BRAF: variants seen among roughly 807,000 people sequenced by gnomAD.
The protein encoded by BRAF is B-Raf proto-oncogene, serine/threonine kinase.
BRAF carries 16 observed loss-of-function variants against 104.6 expected under a neutral mutation model. The ratio of observed to expected loss-of-function variants is 0.15; its 90% CI spans 0.10 to 0.23. The LOEUF (loss-of-function observed/expected upper bound fraction) is 0.23, where lower values mean the gene tolerates loss of function less well. Ranked by LOEUF, BRAF falls within the 10% of genes least tolerant of loss-of-function variation. The pLI is 1.00. For synonymous variants in BRAF, 310 were observed against 341.6 expected (o/e 0.91, Z 1.02); for missense variants, 541 against 937.3 (o/e 0.58, Z 5.52).
intron 7 of BRAF, among the ~76,000 whole-genome samples, chr7:140,794,829 T>C (rs1562963298): frequency 6.6e-6 from 1 of 152,218 alleles, no homozygotes; most frequent in Non-Finnish European, 1.5e-5. Flanking sequence ...GCCATTTTTT[T>C]CTAACATTGT....
At position 140,734,787 on chromosome 7, in the gene BRAF, A is replaced by G. The variant is rs769351098; in HGVS notation, c.2248-17T>C. 63 of 1,421,058 alleles carry G rather than the reference A, an allele frequency of 4.4e-5. No homozygotes were observed. The highest frequency in any genetic ancestry group is 2.1e-4 in the Middle Eastern group (1 of 4,788). 88.0% of individuals were successfully genotyped at this position (1,421,058 alleles called of 1,614,324 possible). A position where few individuals can be genotyped will look rare whatever the true frequency, so the allele number is the denominator to read the frequency against. On this transcript the variant is annotated splice_polypyrimidine_tract_variant and intron_variant, in intron 18 of 19. Transcript: ENST00000644969. Reference sequence around the variant, plus strand: ...GGCGAGAATCTACAAAAAAAAAAAGAAAAAAAAAAGAAAAAAAAAGAAAAA... The same window carrying G: ...GGCGAGAATCTACAAAAAAAAAAAGGAAAAAAAAAGAAAAAAAAAGAAAAA...
rs1012942869 is a variant in BRAF, at chr7:140,831,558, G to C, written c.504+3051C>G. Among the ~76,000 whole-genome samples, 6 of 152,230 alleles carry C rather than the reference G, an allele frequency of 3.9e-5. No individual in the cohort carries two copies. The East Asian group carries it at 1.2e-3, about 29-fold the overall frequency. On this transcript the variant is annotated intron_variant, in intron 3 of 19. Coordinates refer to ENST00000644969, the MANE Select transcript of BRAF (RefSeq NM_001374258.1). The stretch of plus-strand genomic sequence containing the variant: ...TTATTTGTTCCATATATACAGAAGA[G>C]GAACTAACAGGATCCCCTTGTTGTA...
chr7:140,843,129 A>ATG (rs1808160231), intron 2 of BRAF, among the ~76,000 whole-genome samples: 1 of 152,240 alleles, frequency 6.6e-6, no homozygotes, highest in Admixed American at 6.5e-5. Flanking sequence ...TTAGACTCTT[A>ATG]CTTCAGGAAA....
chr7:140,918,630 A>C (rs560298852), intron 1 of BRAF, among the ~76,000 whole-genome samples: 9 of 152,338 alleles, frequency 5.9e-5, no homozygotes, highest in African/African-American at 1.9e-4. Flanking sequence ...GTTGCAGCCA[A>C]TTTGGCTGTC....
intron 3 of BRAF, among the ~76,000 whole-genome samples, chr7:140,812,886 G>T (rs1472891086): frequency 6.6e-6 from 1 of 152,058 alleles, no homozygotes; most frequent in Non-Finnish European, 1.5e-5. Flanking sequence ...AACTACAAAT[G>T]GATCAAATAT....
At chr7:140,922,159 C>T (rs1818294291) in intron 1 of BRAF, among the ~76,000 whole-genome samples, 1 of 152,082 alleles carries the variant, frequency 6.6e-6, no homozygotes. Context: ...AACATTAAAA[C>T]CTGGGTAAAG....
chr7:140,791,749 C>A (rs933032466), intron 8 of BRAF, among the ~76,000 whole-genome samples: 1 of 152,188 alleles, frequency 6.6e-6, no homozygotes, highest in African/African-American at 2.4e-5. Flanking sequence ...TGGTATTTAA[C>A]AAACTGTGCT....
intron 18 of BRAF, among the ~76,000 whole-genome samples, chr7:140,738,058 T>C (rs1278266311): frequency 3.9e-5 from 6 of 152,190 alleles, no homozygotes; most frequent in Non-Finnish European, 8.8e-5. Context: ...AGGGTCATGC[T>C]GAAGCTGCTC....
At chr7:140,870,940 C>T (rs890230117) in intron 1 of BRAF, among the ~76,000 whole-genome samples, 43 of 151,128 alleles carry the variant, frequency 2.8e-4, no homozygotes, top group Non-Finnish European at 4.6e-4. Context: ...AAGAGTAACT[C>T]AGTCTGGCTG....
At chr7:140,835,915 T>G (rs1269022827) in intron 2 of BRAF, 1 of 152,220 alleles carries the variant, frequency 6.6e-6, no homozygotes. Context: ...TCAAGGAGTT[T>G]ACTGTTGGGC....
At chr7:140,819,168 C>T (rs2706775) in intron 3 of BRAF, among the ~76,000 whole-genome samples, 45,339 of 152,016 alleles carry the variant, frequency 0.3, 10,787 homozygotes, top group African/African-American at 0.66. Flanking sequence ...CTTTGTAATT[C>T]TTCTCGTCTC....
Position 140,808,050 on chromosome 7 carries a change from T to A in BRAF, c.621A>T (p.Pro207=). The A allele has an allele frequency of 1.2e-6, 2 of 1,612,294 alleles. No homozygotes were observed. Among genetic ancestry groups the A allele is most frequent in the Non-Finnish European group, 1.7e-6 (2 of 1,178,502 alleles). ...VYRIQDGEKK[P]IGWDTDISWL... is the part of the protein sequence containing the mutation. ...AGGAAATATCAGTGTCCCAACCAAT[T>A]GGTTTCTTCTCTCTGAAAAATGTAG... The change falls in exon 5 of 20, where the codon CCA becomes CCT. Residue 207 remains proline, a synonymous_variant. Transcript: ENST00000644969.
At chr7:140,763,335 G>A (rs1370492237) in intron 14 of BRAF, among the ~76,000 whole-genome samples, 1 of 149,094 alleles carries the variant, frequency 6.7e-6, no homozygotes, top group Non-Finnish European at 1.5e-5. Context: ...CGGGCAGGGG[G>A]CTGACCCCCC....
intron 1 of BRAF, among the ~76,000 whole-genome samples, chr7:140,923,388 C>T (rs375676670): frequency 1.3e-5 from 2 of 151,812 alleles, no homozygotes; most frequent in Admixed American, 6.6e-5. Flanking sequence ...TAATAAAATA[C>T]CAAATATTTG....
At chr7:140,846,883 C>T (rs944030708) in intron 2 of BRAF, among the ~76,000 whole-genome samples, 12 of 152,196 alleles carry the variant, frequency 7.9e-5, no homozygotes, top group South Asian at 2.1e-4. Context: ...TGGCCAGGCA[C>T]GGTGGCTCAC....
At chr7:140,819,239 T>C (rs753151661) in intron 3 of BRAF, among the ~76,000 whole-genome samples, 18 of 152,170 alleles carry the variant, frequency 1.2e-4, no homozygotes, top group Non-Finnish European at 2.4e-4. Flanking sequence ...GCAAATCCTT[T>C]CTCCACAAAG....
intron 17 of BRAF, among the ~76,000 whole-genome samples, chr7:140,743,024 TATC>T (rs1483263499): frequency 6.6e-6 from 1 of 152,224 alleles, no homozygotes; most frequent in Non-Finnish European, 1.5e-5. Flanking sequence ...CATAACGACA[TATC>T]ATCTCACACC....
At chr7:140,783,750 A>G (rs1043795903) in intron 10 of BRAF, among the ~76,000 whole-genome samples, 2 of 152,224 alleles carry the variant, frequency 1.3e-5, no homozygotes, top group Admixed American at 6.5e-5. Flanking sequence ...GGAGGCTTAC[A>G]TTATTAAACA....
chr7:140,884,115 G>A (rs1179717050), intron 1 of BRAF: 1 of 152,136 alleles, frequency 6.6e-6, no homozygotes, highest in Non-Finnish European at 1.5e-5. Flanking sequence ...GAATAATACA[G>A]AGAAGATAGG....
Sources: gnomAD v4.1 joint callset for allele counts (sites outside exome capture counted in the v4.1 genomes callset) on GRCh38, gnomAD v4.1.1 for gene constraint, MANE v1.5 for transcripts, NCBI Gene and HGNC (gene_info 2026-07-23, HGNC 2026-07-21) for gene names.